The following CYP2F1 variants were observed in gnomAD, a reference collection of about 807,000 sequenced individuals.
CYP2F1 encodes the protein cytochrome P450 2F1.
CYP2F1 carries 33 observed loss-of-function variants against 40.4 expected under a neutral mutation model. The ratio of observed to expected loss-of-function variants is 0.82; its 90% confidence interval spans 0.62 to 1.09. CYP2F1 has a LOEUF of 1.09. CYP2F1 is among the 50% of genes least tolerant of loss of function. The probability of loss-of-function intolerance (pLI) is 0.00; values close to 1 mark genes in which losing one functional copy is unlikely to be tolerated. For missense variants in CYP2F1, 566 were observed against 655.7 expected (o/e 0.86, Z 1.49); for synonymous variants, 235 against 277.2 (o/e 0.85, Z 1.51).
rs372302293 is a variant in CYP2F1, at chr19:41,124,911, G to T, written c.1152+5G>T. The T allele has an allele frequency of 4.4e-6, 7 of 1,593,286 alleles. No homozygotes were observed. The African/African-American group carries it at 5.4e-5, about 12-fold the overall frequency. ...CGCGGCTTCCTGATACCCAAGGTGC[G>T]CTAGGCCTGGCAAACGACATCAGGC... On this transcript the variant is annotated splice_donor_5th_base_variant and intron_variant, in intron 8 of 9. Transcript: ENST00000331105.
chr19:41,120,213 A>G (rs1157740449), intron 3 of CYP2F1, 134 bp from the exon 4 acceptor site: 1 of 815,698 alleles, frequency 1.2e-6, no homozygotes, highest in African/African-American at 1.7e-5. Context: ...GAGGGTCCAG[A>G]AGGGCTTACT....
rs540538120 is a variant in CYP2F1 at position 41,119,489 on chromosome 19, C to T, written c.335-858C>T. ...TTAGGCCAGGCGCAGTGGCTCATGC[C>T]TGTAATCCCAGCACTGTGGGAGGCC... On this transcript the variant is annotated intron_variant, in intron 3 of 9. Transcript: ENST00000331105. Among the ~76,000 whole-genome samples, 5 of 151,898 alleles carry T rather than the reference C, an allele frequency of 3.3e-5. No individual in the cohort carries two copies. In the South Asian group the frequency reaches 1.0e-3, roughly 32 times the overall value.
intron 3 of CYP2F1, among the ~76,000 whole-genome samples, chr19:41,117,519 G>T (rs952102258): frequency 1.3e-5 from 2 of 151,968 alleles, no homozygotes; most frequent in Non-Finnish European, 2.9e-5. Flanking sequence ...CCCAGTTCTT[G>T]CTTTCAATCT....
chr19:41,119,721 C>CTTTATATATATA (rs1442093221), intron 3 of CYP2F1, among the ~76,000 whole-genome samples: 1 of 37,112 alleles, frequency 2.7e-5, no homozygotes, highest in African/African-American at 9.7e-5. Context: ...CTCTCTCTCT[C>CTTTATATATATA]TCTATATATA....
chr19:41,121,240 T>C (rs1410808260), intron 4 of CYP2F1, among the ~76,000 whole-genome samples: 1 of 151,988 alleles, frequency 6.6e-6, no homozygotes, highest in Non-Finnish European at 1.5e-5. Context: ...TTGCTGTCGA[T>C]GTGCTGCAGG....
At chr19:41,117,330 C>T (rs2031879405) in intron 3 of CYP2F1, among the ~76,000 whole-genome samples, 1 of 151,998 alleles carries the variant, frequency 6.6e-6, no homozygotes, top group Admixed American at 6.6e-5. Flanking sequence ...TGGGGTTTTG[C>T]CATGTTGGTC....
intron 3 of CYP2F1, among the ~76,000 whole-genome samples, chr19:41,119,738 TATATATATATACACACACACAC>T (rs2032053650): frequency 1.4e-5 from 1 of 73,350 alleles, no homozygotes; most frequent in African/African-American, 5.3e-5. Flanking sequence ...TATATATATA[TATATATATATACACACACACAC>T]ACACACACAC....
intron 1 of CYP2F1, among the ~76,000 whole-genome samples, chr19:41,115,219 T>C (rs900185504): frequency 6.6e-6 from 1 of 152,126 alleles, no homozygotes; most frequent in African/African-American, 2.4e-5. Context: ...CATTCTCGTC[T>C]CCCTCAGTCT....
chr19:41,123,332 G>C, intron 7 of CYP2F1: 4 of 378,412 alleles, frequency 1.1e-5, no homozygotes, highest in South Asian at 7.8e-5. Context: ...CTCCCAAGTA[G>C]CTGGGATTAC....
intron 9 of CYP2F1, 131 bp downstream of exon 9, chr19:41,125,765 C>T (rs1443968529): frequency 5.7e-6 from 9 of 1,570,204 alleles, no homozygotes; most frequent in Non-Finnish European, 7.8e-6. Flanking sequence ...ACATTCATTC[C>T]TCCTCTCAAC....
At chr19:41,115,792 AAAGG>A (rs931625856) in intron 1 of CYP2F1, among the ~76,000 whole-genome samples, 18 of 152,086 alleles carry the variant, frequency 1.2e-4, no homozygotes, top group South Asian at 6.2e-4. Flanking sequence ...AAAGAAAAAG[AAAGG>A]AAGGAAGGAA....
In CYP2F1 at chr19:41,122,938, A is replaced by T. The variant is rs747551722; in HGVS notation, c.939A>T (p.Ala313=). The T allele has an allele frequency of 1.2e-6, 2 of 1,613,046 alleles. No homozygotes were observed. The highest frequency in any genetic ancestry group is 2.7e-5 in the African/African-American group (2 of 74,842). Residue 313 remains alanine (A), a synonymous_variant, in exon 7 of 10, where the codon GCA becomes GCT. Transcript: ENST00000331105. ...CCACGCTGCACCACGCCTTCCTGGC[A>T]CTCATGAAGTACCCAAAAGTTCAAG... The part of the protein sequence containing the change: ...VSTTLHHAFL[A]LMKYPKVQAR...
Position 41,124,258 on chromosome 19 carries a change from T to TCC in CYP2F1, c.965-461_965-460insCC, listed in dbSNP as rs1568381459. 2.9e-3 allele frequency among the ~76,000 whole-genome samples: 170 copies of TCC among 58,656 alleles called. 4 individuals are homozygous for TCC. The highest frequency in any genetic ancestry group is 5.5e-3 in the South Asian group (7 of 1,276). The allele number at this position is 58,656 out of a possible 152,430, so 38.5% of individuals were successfully genotyped here. ...TTTTTTTCCTCTTCCCCCCCCCCTT[T>TCC]TTTTTTTTTTTTTTTTTTTTTTTGA... On this transcript the variant is annotated intron_variant, in intron 7 of 9. Coordinates refer to ENST00000331105, the MANE Select transcript of CYP2F1 (RefSeq NM_000774.5).
intron 3 of CYP2F1, 45 bp from the exon 4 acceptor site, chr19:41,120,302 C>T (rs2032112104): frequency 6.5e-7 from 1 of 1,540,248 alleles, no homozygotes; most frequent in Non-Finnish European, 8.7e-7. Context: ...GCAGTGGCCT[C>T]AGGATGAGTT....
chr19:41,117,846 ATTTATT>A lies in CYP2F1; in HGVS notation c.334+1231_334+1236del. Among the ~76,000 whole-genome samples the A allele has an allele frequency of 3.3e-5, 5 of 151,616 alleles. No individual in the cohort carries two copies. In the Admixed American group the frequency reaches 3.3e-4, roughly 10 times the overall value. On this transcript the variant is annotated intron_variant, in intron 3 of 9. Transcript: ENST00000331105. Reference sequence around the variant, plus strand: ...GTCTTCAAACTTTATTTATTTATTTATTTATTTATTTATTTATTTTTGAGATGGAGT... The same window carrying A: ...GTCTTCAAACTTTATTTATTTATTTATATTTATTTATTTTTGAGATGGAGT...
At position 41,120,369 on chromosome 19, in the gene CYP2F1, T is replaced by G; in HGVS notation, c.357T>G (p.Asp119Glu). The change falls in exon 4 of 10, where the codon GAT becomes GAG. Residue 119 changes from aspartate (D) to glutamate (E), a missense_variant. By Grantham distance (45) the Asp-to-Glu change is conservative. Around this residue, in one of 5 missense-constraint regions of CYP2F1, gnomAD observed 264 missense variants for 275.7 expected, o/e 0.96. Transcript: ENST00000331105. Reference protein sequence around the residue: ...KGNGIAFSSGDRWKVLRQFSI... With the variant: ...KGNGIAFSSGERWKVLRQFSI... ...CAGGCATCGCCTTCTCCAGTGGGGA[T>G]CGATGGAAGGTCCTGAGACAGTTCT... 2 of 1,609,046 alleles carry G rather than the reference T, an allele frequency of 1.2e-6. No individual in the cohort carries two copies. The highest frequency in any genetic ancestry group is 2.2e-5 in the South Asian group (2 of 90,446).
chr19:41,116,115 AG>A, intron 1 of CYP2F1, 62 bp from the exon 2 acceptor site: 3 of 1,489,626 alleles, frequency 2.0e-6, no homozygotes. Context: ...GGTAAGTCCC[AG>A]GGGAGATGGA....
chr19:41,119,808 G>T (rs2032077560), intron 3 of CYP2F1, among the ~76,000 whole-genome samples: 2 of 134,602 alleles, frequency 1.5e-5, no homozygotes, highest in Admixed American at 7.8e-5. Context: ...GGGCGTGGTG[G>T]TGCACACCTG....
intron 6 of CYP2F1, among the ~76,000 whole-genome samples, chr19:41,122,499 C>CAT (rs1474162638): frequency 6.6e-6 from 1 of 151,850 alleles, no homozygotes; most frequent in African/African-American, 2.4e-5. Context: ...CATACACACA[C>CAT]ACATACATAC....
Sources: gnomAD v4.1 joint callset for allele counts (sites outside exome capture counted in the v4.1 genomes callset) on GRCh38, gnomAD v4.1.1 for gene constraint, gnomAD v4.1.1 regional missense constraint, MANE v1.5 for transcripts, NCBI Gene and HGNC (gene_info 2026-07-23, HGNC 2026-07-21) for gene names.